The following ZMYND8 variants were observed in gnomAD, a reference collection of about 807,000 sequenced individuals.
The protein encoded by ZMYND8 is MYND-type zinc finger-containing chromatin reader ZMYND8.
ZMYND8 carries 37 observed loss-of-function variants against 140.8 expected under a neutral mutation model. The observed-to-expected ratio is 0.26, with a 90% CI of 0.20 to 0.35. ZMYND8 has a LOEUF of 0.35. ZMYND8 is among the 10% of genes least tolerant of loss of function. ZMYND8 has a pLI of 1.00. For missense variants in ZMYND8, 1,068 were observed against 1,570.0 expected, an observed-to-expected ratio of 0.68 and a Z score of 5.40; for synonymous variants, 592 against 597.1, an observed-to-expected ratio of 0.99 and a Z score of 0.12.
At chr20:47,247,191 G>T (rs150576650) in intron 13 of ZMYND8, among the ~76,000 whole-genome samples, 146 of 152,306 alleles carry the variant, frequency 9.6e-4, no homozygotes, top group Non-Finnish European at 1.9e-3. Context: ...CACAAATCAG[G>T]AAATTTCATA....
At chr20:47,220,640 T>C (rs1174142465) in intron 20 of ZMYND8, among the ~76,000 whole-genome samples, 1 of 152,206 alleles carries the variant, frequency 6.6e-6, no homozygotes, top group Non-Finnish European at 1.5e-5. Context: ...AAGGAGAAAG[T>C]ACATTACTTC....
At chr20:47,265,530 T>A (rs999355212) in intron 11 of ZMYND8, among the ~76,000 whole-genome samples, 1 of 152,234 alleles carries the variant, frequency 6.6e-6, no homozygotes, top group Non-Finnish European at 1.5e-5. Context: ...AACCTCTGCC[T>A]GCCAGGTTCA....
At chr20:47,278,105 G>A (rs1467861147) in intron 10 of ZMYND8, among the ~76,000 whole-genome samples, 2 of 152,078 alleles carry the variant, frequency 1.3e-5, no homozygotes, top group Non-Finnish European at 2.9e-5. Flanking sequence ...CCCAAGTAGT[G>A]GAAGTACAGG....
chr20:47,265,053 C>CATATATATATAT (rs199638521), intron 11 of ZMYND8, among the ~76,000 whole-genome samples: 15 of 114,312 alleles, frequency 1.3e-4, no homozygotes, highest in African/African-American at 3.8e-4. Flanking sequence ...AATATATATA[C>CATATATATATAT]ATATATATAT....
intron 22 of ZMYND8, 96 bp downstream of exon 22, chr20:47,212,546 C>T (rs1215810591): frequency 1.3e-5 from 18 of 1,379,566 alleles, no homozygotes; most frequent in Non-Finnish European, 1.8e-5. Context: ...AGAAGACACA[C>T]CCACAAAGGA....
At chr20:47,329,069 G>T (rs1418245477) in intron 2 of ZMYND8, among the ~76,000 whole-genome samples, 2 of 152,218 alleles carry the variant, frequency 1.3e-5, no homozygotes, top group Non-Finnish European at 2.9e-5. Flanking sequence ...AAAGAGGACT[G>T]TGTTCTCTGC....
chr20:47,305,766 C>G (rs1016690456), intron 3 of ZMYND8, among the ~76,000 whole-genome samples: 3 of 152,108 alleles, frequency 2.0e-5, no homozygotes, highest in Admixed American at 6.5e-5. Flanking sequence ...TCTGCTGGCA[C>G]GTTATTTCTC....
At chr20:47,226,711 G>T (rs778687484) in intron 18 of ZMYND8, among the ~76,000 whole-genome samples, 71 of 152,210 alleles carry the variant, frequency 4.7e-4, no homozygotes, top group South Asian at 8.3e-4. Context: ...ACAACAGTTT[G>T]TGTAATGAAA....
intron 21 of ZMYND8, among the ~76,000 whole-genome samples, chr20:47,216,712 CAGG>C (rs1428925032): frequency 6.6e-6 from 1 of 151,990 alleles, no homozygotes; most frequent in Non-Finnish European, 1.5e-5. Context: ...GAGGCTGAGG[CAGG>C]AGAATCACTT....
chr20:47,355,420 G>A, intron 1 of ZMYND8: 1 of 984,316 alleles, frequency 1.0e-6, no homozygotes, highest in South Asian at 4.7e-5. Context: ...TTCAAACATG[G>A]TCACAGAGGA....
At chr20:47,225,471 T>G (rs2037545162) in intron 18 of ZMYND8, among the ~76,000 whole-genome samples, 1 of 145,046 alleles carries the variant, frequency 6.9e-6, no homozygotes, top group Non-Finnish European at 1.5e-5. Flanking sequence ...GAGAATTGCT[T>G]GAACCCAGGA....
chr20:47,317,446 C>T (rs760833255), intron 2 of ZMYND8, among the ~76,000 whole-genome samples: 1 of 151,974 alleles, frequency 6.6e-6, no homozygotes, highest in Non-Finnish European at 1.5e-5. Context: ...CAGCACATGC[C>T]GTTCTCCAGG....
chr20:47,236,690 T>C (rs2147154573), intron 15 of ZMYND8, among the ~76,000 whole-genome samples, 174 bp from the exon 16 acceptor site: 1 of 152,310 alleles, frequency 6.6e-6, no homozygotes, highest in Non-Finnish European at 1.5e-5. Context: ...GGCCCTAACC[T>C]TGGCCTGGAA....
At position 47,342,559 on chromosome 20, in the gene ZMYND8, A is replaced by C. The variant is rs529971931; in HGVS notation, c.85+5297T>G. On this transcript the variant is annotated intron_variant, in intron 2 of 22. Coordinates refer to ENST00000471951, the MANE Select transcript of ZMYND8 (RefSeq NM_001281775.3). ...CGAGATTCTGTCTCAAAGAAAAAAAAAAAAAGCTGGGCACGGAGGCTCATG... is the reference window on the plus strand; with the variant it reads ...CGAGATTCTGTCTCAAAGAAAAAAACAAAAAGCTGGGCACGGAGGCTCATG... 2.1e-5 allele frequency among the ~76,000 whole-genome samples: 3 copies of C among 143,174 alleles called. No homozygotes were observed. In the East Asian group the frequency reaches 6.4e-4, roughly 31 times the overall value. 93.9% of individuals were successfully genotyped at this position (143,174 alleles called of 152,430 possible). A position where few individuals can be genotyped will look rare whatever the true frequency, so the allele number is the denominator to read the frequency against.
intron 2 of ZMYND8, among the ~76,000 whole-genome samples, chr20:47,323,256 T>G (rs889598579): frequency 6.6e-6 from 1 of 152,014 alleles, no homozygotes; most frequent in Non-Finnish European, 1.5e-5. Flanking sequence ...TTCTCTTTTT[T>G]GGGGGAGACA....
rs767874404 is a variant in ZMYND8, at chr20:47,298,258, T to G, written c.453+471A>C. ...CACCTAATAGGCACTCAAGAAATAC[T>G]TGTTGCACAAAAGAAAGCACCAGAC... is the stretch of plus-strand genomic sequence containing the variant. On this transcript the variant is annotated intron_variant, in intron 4 of 22. Coordinates refer to ENST00000471951, the MANE Select transcript of ZMYND8 (RefSeq NM_001281775.3). This position sits in a 1 kb window ranked among gnomAD's most constrained non-coding sequence, Gnocchi z 5.0. 2.5e-5 allele frequency: 25 copies of G among 985,114 alleles called. No individual in the cohort carries two copies. The highest frequency in any genetic ancestry group is 1.2e-4 in the Admixed American group (2 of 16,256). The allele number at this position is 985,114 out of a possible 1,614,324, so 61.0% of individuals were successfully genotyped here. A position where few individuals can be genotyped will look rare whatever the true frequency, so the allele number is the denominator to read the frequency against.
intron 12 of ZMYND8, among the ~76,000 whole-genome samples, chr20:47,254,617 A>AG (rs2074444905): frequency 6.6e-6 from 1 of 151,474 alleles, no homozygotes; most frequent in Non-Finnish European, 1.5e-5. Flanking sequence ...GCACTGCTGT[A>AG]GGGGAGCCAA....
chr20:47,257,493 A>T (rs545936481), intron 12 of ZMYND8, among the ~76,000 whole-genome samples: 1 of 151,950 alleles, frequency 6.6e-6, no homozygotes, highest in African/African-American at 2.4e-5. Flanking sequence ...ACACACATAC[A>T]TACTTATATA....
intron 11 of ZMYND8, among the ~76,000 whole-genome samples, chr20:47,263,509 C>A (rs113520125): frequency 1.3e-5 from 2 of 152,208 alleles, no homozygotes; most frequent in Admixed American, 1.3e-4. Context: ...ACATACCACT[C>A]GGCTGGTGAA....
Sources: allele counts gnomAD v4.1 joint callset (sites outside exome capture counted in the v4.1 genomes callset), GRCh38; gene constraint gnomAD v4.1.1; non-coding constraint Gnocchi (gnomAD v3.1); transcripts MANE v1.5; gene names NCBI Gene and HGNC (gene_info 2026-07-23, HGNC 2026-07-21).